MAPK10: variants seen among roughly 807,000 people sequenced by gnomAD.
MAPK10 encodes mitogen-activated protein kinase 10.
MAPK10 carries 25 observed loss-of-function variants against 59.3 expected under a neutral mutation model. That is an observed-to-expected ratio of 0.42 (90% CI 0.31 to 0.59). MAPK10 has a LOEUF of 0.59. Ranked by LOEUF, MAPK10 falls within the 20% of genes least tolerant of loss-of-function variation. The pLI, the probability that MAPK10 is intolerant of heterozygous loss-of-function variation, is 0.15. For synonymous variants in MAPK10, 190 were observed against 200.5 expected (o/e 0.95, Z 0.44); for missense variants, 351 against 568.9 (o/e 0.62, Z 3.90).
At chr4:86,209,130 C>A (rs1401680353) in intron 2 of MAPK10, among the ~76,000 whole-genome samples, 1 of 152,096 alleles carries the variant, frequency 6.6e-6, no homozygotes, top group East Asian at 1.9e-4. Flanking sequence ...TTCATTATAT[C>A]TCAGTTTTTA....
intron 1 of MAPK10, among the ~76,000 whole-genome samples, chr4:86,487,534 C>G (rs182848097): frequency 1.1e-3 from 170 of 152,070 alleles, no homozygotes; most frequent in African/African-American, 4.0e-3. Flanking sequence ...TCAAGACCAT[C>G]CTGGCTAACA....
At chr4:86,324,702 C>T (rs563915615) in intron 2 of MAPK10, among the ~76,000 whole-genome samples, 3 of 152,262 alleles carry the variant, frequency 2.0e-5, no homozygotes, top group South Asian at 2.1e-4. Flanking sequence ...TAAAATCCAT[C>T]GAATAAATTC....
chr4:86,029,405 C>T (rs1197864817), intron 12 of MAPK10, 131 bp from the exon 13 acceptor site: 1 of 626,808 alleles, frequency 1.6e-6, no homozygotes, highest in Non-Finnish European at 2.8e-6. Context: ...GATTCCTTTA[C>T]TGCTCTATTT....
intron 1 of MAPK10, among the ~76,000 whole-genome samples, chr4:86,441,044 T>C (rs1407767008): frequency 6.6e-6 from 1 of 152,134 alleles, no homozygotes; most frequent in Non-Finnish European, 1.5e-5. Context: ...ACTTAAAATG[T>C]GTTTGGTGTA....
chr4:86,023,151 T>G (rs116463808), intron 13 of MAPK10, among the ~76,000 whole-genome samples: 2 of 152,218 alleles, frequency 1.3e-5, no homozygotes, highest in African/African-American at 4.8e-5. Context: ...CTTCATTCTT[T>G]TGCATGTATA....
At chr4:86,056,533 T>C (rs1228625452) in intron 11 of MAPK10, among the ~76,000 whole-genome samples, 1 of 150,102 alleles carries the variant, frequency 6.7e-6, no homozygotes, top group Non-Finnish European at 1.5e-5. Context: ...CCACAGTTAA[T>C]AAAGGTAGAA....
intron 4 of MAPK10, among the ~76,000 whole-genome samples, chr4:86,139,063 C>T (rs1562217818): frequency 1.5e-5 from 2 of 136,962 alleles, no homozygotes; most frequent in Non-Finnish European, 3.2e-5. Flanking sequence ...ACATTCCATG[C>T]TCATGGGTAG....
intron 2 of MAPK10, among the ~76,000 whole-genome samples, chr4:86,214,533 A>C (rs566887126): frequency 6.6e-6 from 1 of 151,382 alleles, no homozygotes; most frequent in South Asian, 2.1e-4. Flanking sequence ...AAAAAAAAAA[A>C]AACTGTTAGA....
intron 3 of MAPK10, among the ~76,000 whole-genome samples, chr4:86,171,787 G>C (rs1043390000): frequency 1.3e-5 from 2 of 151,116 alleles, no homozygotes; most frequent in African/African-American, 2.5e-5. Context: ...AGAGTGAACA[G>C]GCAACCTACA....
intron 4 of MAPK10, among the ~76,000 whole-genome samples, chr4:86,110,815 C>T (rs1284597131): frequency 6.6e-6 from 1 of 152,118 alleles, no homozygotes; most frequent in Non-Finnish European, 1.5e-5. Context: ...CTATAAATTA[C>T]TTTGGGCAGT....
chr4:86,211,666 AAGTT>A (rs1352989809), intron 2 of MAPK10, among the ~76,000 whole-genome samples: 1 of 152,114 alleles, frequency 6.6e-6, no homozygotes, highest in Non-Finnish European at 1.5e-5. Flanking sequence ...ATAATTATAA[AAGTT>A]AGTATTATTG....
upstream of MAPK10, among the ~76,000 whole-genome samples, chr4:86,362,917 T>C (rs954077682): frequency 6.6e-6 from 1 of 152,170 alleles, no homozygotes; most frequent in African/African-American, 2.4e-5. Context: ...ACCCAAAGTA[T>C]GGCTCAACAC....
At chr4:86,499,574 T>C (rs529414849) in intron 1 of MAPK10, among the ~76,000 whole-genome samples, 1 of 152,328 alleles carries the variant, frequency 6.6e-6, no homozygotes, top group South Asian at 2.1e-4. Flanking sequence ...AACCATATAA[T>C]GCACTATCCA....
At chr4:86,504,238 C>T (rs116993668) in intron 1 of MAPK10, among the ~76,000 whole-genome samples, 3 of 152,170 alleles carry the variant, frequency 2.0e-5, no homozygotes, top group East Asian at 1.9e-4. Flanking sequence ...GAGCATACTG[C>T]ACTTAATTCA....
At chr4:86,498,513 A>G (rs1755064703) in intron 1 of MAPK10, among the ~76,000 whole-genome samples, 1 of 152,216 alleles carries the variant, frequency 6.6e-6, no homozygotes, top group South Asian at 2.1e-4. Flanking sequence ...AGATAAGAAG[A>G]AAGTGGAAGT....
At chr4:86,458,665 G>A (rs1157576896) in intron 1 of MAPK10, among the ~76,000 whole-genome samples, 1 of 152,166 alleles carries the variant, frequency 6.6e-6, no homozygotes, top group Non-Finnish European at 1.5e-5. Context: ...CATAAAGAAG[G>A]GAAAGGACAC....
rs145445487 is a variant in MAPK10, at chr4:86,278,256, C to G, written c.-7+76274G>C. Among the ~76,000 whole-genome samples the G allele has an allele frequency of 4.2e-4, 64 of 152,186 alleles. No individual in the cohort carries two copies. The East Asian group carries it at 0.012, about 28-fold the overall frequency. On this transcript the variant is annotated intron_variant, in intron 2 of 13. Transcript: ENST00000641462. Reference sequence around the variant, plus strand: ...ACAACAAAAGAAATGGCCTGGATACCCATCAAGTAGACAGAATTTATTCTA... The same window carrying G: ...ACAACAAAAGAAATGGCCTGGATACGCATCAAGTAGACAGAATTTATTCTA...
intron 2 of MAPK10, among the ~76,000 whole-genome samples, chr4:86,345,169 T>TA (rs1578619426): frequency 6.6e-6 from 1 of 152,210 alleles, no homozygotes; most frequent in East Asian, 1.9e-4. Context: ...CCCTCTCTAA[T>TA]AGCCTTCTGA....
rs1475940441 is a variant in MAPK10 at position 86,014,338 on chromosome 4, G to GTGTT, written c.*2889_*2890insAACA. The GTGTT allele has an allele frequency of 2.3e-5, 3 of 129,896 alleles. No individual in the cohort carries two copies. Among genetic ancestry groups the GTGTT allele is most frequent in the African/African-American group, 9.6e-5 (3 of 31,298 alleles). 8.0% of individuals were successfully genotyped at this position (129,896 alleles called of 1,614,324 possible). On this transcript the variant is annotated 3_prime_UTR_variant, in exon 14 of 14. Transcript: ENST00000641462. Reference sequence around the variant, plus strand: ...TGTGTGTGTGTGTGTGTGTGTGTGTGTGTGTGTTAAGACAGACAAGTGAAT... The same window carrying GTGTT: ...TGTGTGTGTGTGTGTGTGTGTGTGTGTGTTTGTGTGTTAAGACAGACAAGTGAAT...
Sources: gnomAD v4.1 joint callset for allele counts (sites outside exome capture counted in the v4.1 genomes callset) on GRCh38, gnomAD v4.1.1 for gene constraint, MANE v1.5 for transcripts, NCBI Gene and HGNC (gene_info 2026-07-23, HGNC 2026-07-21) for gene names.